SCN10A: variants seen among roughly 807,000 people sequenced by gnomAD.
SCN10A encodes sodium voltage-gated channel alpha subunit 10.
SCN10A carries 162 observed loss-of-function variants against 170.7 expected under a neutral mutation model. That is an observed-to-expected ratio of 0.95 (90% confidence interval 0.84 to 1.08). The LOEUF is 1.08. SCN10A is among the 50% of genes least tolerant of loss of function. The pLI, the probability that SCN10A is intolerant of heterozygous loss-of-function variation, is 0.00. For missense variants in SCN10A, 2,527 were observed against 2,436.9 expected (o/e 1.04, Z -0.78); for synonymous variants, 985 against 904.6 (o/e 1.09, Z -1.59).
In SCN10A at chr3:38,742,565, A is replaced by G. The variant is rs7618620; in HGVS notation, c.1868-36T>C. ...GTGTGGTCAATGACAGCTGTCAGCC[A>G]TGTGTCACCTTGGACCCCAATTCTG... On this transcript the variant is annotated intron_variant, in intron 13 of 27. Coordinates refer to ENST00000449082, the MANE Select transcript of SCN10A (RefSeq NM_006514.4). The G allele has an allele frequency of 4.5e-6, 7 of 1,551,478 alleles. No homozygotes were observed. In the African/African-American group the frequency reaches 9.5e-5, roughly 21 times the overall value.
chr3:38,713,326 A>G (rs1377511179), intron 22 of SCN10A, among the ~76,000 whole-genome samples: 1 of 152,038 alleles, frequency 6.6e-6, no homozygotes, highest in Non-Finnish European at 1.5e-5. Flanking sequence ...GTATTAGAGG[A>G]AAGACTCATT....
intron 25 of SCN10A, among the ~76,000 whole-genome samples, chr3:38,708,124 C>G (rs7430283): frequency 0.93 from 141,635 of 152,244 alleles, 65,940 homozygotes; most frequent in Middle Eastern, 0.97. Context: ...TGCTGGGAAA[C>G]TGGGCTGAGA....
intron 6 of SCN10A, 31 bp from the exon 7 acceptor site, chr3:38,761,414 T>G: frequency 6.3e-7 from 1 of 1,588,662 alleles, no homozygotes; most frequent in Non-Finnish European, 8.6e-7. Context: ...TATGACCACA[T>G]GGATGAGGTA....
At chr3:38,791,077 C>T (rs566819747) in intron 3 of SCN10A, among the ~76,000 whole-genome samples, 9 of 152,298 alleles carry the variant, frequency 5.9e-5, no homozygotes, top group South Asian at 2.1e-4. Context: ...CAACAATCTG[C>T]CTCAGAGTTA....
At chr3:38,722,199 T>C in intron 20 of SCN10A, 59 bp downstream of exon 20, 2 of 1,535,148 alleles carry the variant, frequency 1.3e-6, no homozygotes, top group Non-Finnish European at 1.8e-6. Context: ...CCAGGGCCTT[T>C]GGATTGTAGG....
intron 5 of SCN10A, among the ~76,000 whole-genome samples, chr3:38,770,590 G>T (rs1414675819): frequency 1.3e-5 from 2 of 152,090 alleles, no homozygotes; most frequent in Non-Finnish European, 2.9e-5. Context: ...GGCTGGTCTT[G>T]CTCCTGCAGT....
chr3:38,770,852 G>A (rs2063990714), intron 5 of SCN10A, among the ~76,000 whole-genome samples: 3 of 152,148 alleles, frequency 2.0e-5, no homozygotes, highest in Admixed American at 2.0e-4. Flanking sequence ...GGATTCCCTG[G>A]TCTCAAGCTG....
At chr3:38,800,577 T>A (rs1013405453) in intron 1 of SCN10A, among the ~76,000 whole-genome samples, 1 of 151,914 alleles carries the variant, frequency 6.6e-6, no homozygotes, top group Admixed American at 6.6e-5. Context: ...TATTAGGGAG[T>A]TTTGGAAAAA....
chr3:38,807,496 C>T (rs2064411708), intron 1 of SCN10A, among the ~76,000 whole-genome samples: 1 of 152,126 alleles, frequency 6.6e-6, no homozygotes, highest in Non-Finnish European at 1.5e-5. Flanking sequence ...ACTTGACGTC[C>T]CAGCAGGATT....
chr3:38,742,221 C>A, intron 14 of SCN10A, 70 bp downstream of exon 14: 4 of 1,054,748 alleles, frequency 3.8e-6, no homozygotes, highest in Non-Finnish European at 4.3e-6. Flanking sequence ...CCCACCCGAA[C>A]TGCACCCTGC....
intron 1 of SCN10A, among the ~76,000 whole-genome samples, chr3:38,795,082 C>T (rs2064330662): frequency 6.6e-6 from 1 of 152,066 alleles, no homozygotes; most frequent in South Asian, 2.1e-4. Flanking sequence ...TTTAAAGATG[C>T]TTAACTTTCC....
chr3:38,769,641 G>T (rs2063976229), intron 5 of SCN10A, among the ~76,000 whole-genome samples: 1 of 152,274 alleles, frequency 6.6e-6, no homozygotes. Flanking sequence ...ACCCTCTTTT[G>T]TCATATTACC....
chr3:38,786,528 G>A (rs1254382060), intron 4 of SCN10A, among the ~76,000 whole-genome samples: 8 of 152,112 alleles, frequency 5.3e-5, no homozygotes, highest in Admixed American at 1.3e-4. Context: ...ACCTAATGTA[G>A]ATGATGGGTT....
At position 38,698,270 on chromosome 3, in the gene SCN10A, G is replaced by A. The variant is rs1019979499; in HGVS notation, c.4950C>T (p.Ser1650=). The change falls in exon 28 of 28, where the codon AGC becomes AGT. Residue 1650 remains serine, a synonymous_variant. Transcript: ENST00000449082. Reference sequence around the variant, plus strand: ...TGGTAATCTGGAAGAGGCACAGCATGCTGTTGGCGAAGGTCTGGAAGTTGA... The same window carrying A: ...TGGTAATCTGGAAGAGGCACAGCATACTGTTGGCGAAGGTCTGGAAGTTGA... ...DMFNFQTFAN[S]MLCLFQITTS... 1.9e-6 allele frequency: 3 copies of A among 1,614,040 alleles called. No homozygotes were observed. The highest frequency in any genetic ancestry group is 2.7e-5 in the African/African-American group (2 of 74,912).
chr3:38,740,302 C>G (rs1241196743), intron 14 of SCN10A, among the ~76,000 whole-genome samples: 1 of 152,210 alleles, frequency 6.6e-6, no homozygotes, highest in Non-Finnish European at 1.5e-5. Flanking sequence ...AATTCTGACA[C>G]TGAGAGAGGT....
intron 15 of SCN10A, among the ~76,000 whole-genome samples, chr3:38,738,468 G>A (rs1310295618): frequency 6.6e-6 from 1 of 152,132 alleles, no homozygotes; most frequent in Non-Finnish European, 1.5e-5. Flanking sequence ...CCCTGTGATA[G>A]GGTCCCAAGC....
chr3:38,710,209 G>A (rs2063257939), intron 24 of SCN10A, among the ~76,000 whole-genome samples: 1 of 152,050 alleles, frequency 6.6e-6, no homozygotes, highest in Non-Finnish European at 1.5e-5. Flanking sequence ...GCCCAAGCTG[G>A]AGTGCAGTGA....
intron 8 of SCN10A, among the ~76,000 whole-genome samples, chr3:38,760,312 C>A (rs894792865): frequency 1.3e-5 from 2 of 152,184 alleles, no homozygotes; most frequent in Non-Finnish European, 2.9e-5. Flanking sequence ...GGGTGAGAGG[C>A]CACATGAGCA....
At chr3:38,808,181 C>G (rs992552854) in intron 1 of SCN10A, among the ~76,000 whole-genome samples, 2 of 152,126 alleles carry the variant, frequency 1.3e-5, no homozygotes, top group Non-Finnish European at 2.9e-5. Flanking sequence ...AGTAGTTACC[C>G]TGGTCTTCTT....
Sources: allele counts gnomAD v4.1 joint callset (sites outside exome capture counted in the v4.1 genomes callset), GRCh38; gene constraint gnomAD v4.1.1; transcripts MANE v1.5; gene names NCBI Gene and HGNC (gene_info 2026-07-23, HGNC 2026-07-21).